PMPCB: variants seen among roughly 807,000 people sequenced by gnomAD.
PMPCB encodes the protein mitochondrial-processing peptidase subunit beta.
A neutral mutation model predicts 61.5 loss-of-function variants in PMPCB; 46 were observed. That is an observed-to-expected ratio of 0.75 (90% confidence interval 0.59 to 0.96). The LOEUF is 0.96. Among genes scored for constraint, PMPCB ranks in the 40% least tolerant of loss-of-function variants. The pLI, the probability that PMPCB is intolerant of heterozygous loss-of-function variation, is 0.00. For missense variants in PMPCB, 590 were observed against 602.4 expected, an observed-to-expected ratio of 0.98 and a Z score of 0.22; for synonymous variants, 191 against 201.6, an observed-to-expected ratio of 0.95 and a Z score of 0.44.
rs191162073 is a variant in PMPCB at position 103,304,780 on chromosome 7, G to T, written c.736+290G>T. Among the ~76,000 whole-genome samples the T allele has an allele frequency of 5.5e-4, 83 of 152,172 alleles. 2 individuals carry two copies. The South Asian group carries it at 0.016, about 30-fold the overall frequency. On this transcript the variant is annotated intron_variant, in intron 6 of 12. Coordinates refer to ENST00000249269, the MANE Select transcript of PMPCB (RefSeq NM_004279.3). Reference sequence around the variant, plus strand: ...GTTCAAGACCAGCCTGACTAATATGGTGAAACCCCATGTCTACTAAAAATA... The same window carrying T: ...GTTCAAGACCAGCCTGACTAATATGTTGAAACCCCATGTCTACTAAAAATA...
At position 103,312,733 on chromosome 7, in the gene PMPCB, A is replaced by AAGAT. The variant is rs573869210; in HGVS notation, c.*469_*472dup. The AAGAT allele has an allele frequency of 5.7e-5, 90 of 1,573,146 alleles. No individual in the cohort carries two copies. In the African/African-American group the frequency reaches 1.2e-3, roughly 21 times the overall value. ...TTTGGTGTAAAGAATTCAAGCAACT[A>AAGAT]AGATAGATAGTACTAAATATACTGA... On this transcript the variant is annotated 3_prime_UTR_variant, in exon 13 of 13. Coordinates refer to ENST00000249269, the MANE Select transcript of PMPCB (RefSeq NM_004279.3).
chr7:103,324,632 AT>A, intron 12 of PMPCB: 2 of 1,244,366 alleles, frequency 1.6e-6, no homozygotes, highest in East Asian at 5.9e-5. Context: ...AAACAATTTA[AT>A]TTATTAAAAA....
At chr7:103,316,659 A>G (rs561156029), downstream of PMPCB, 10 of 610,918 alleles carry the variant, frequency 1.6e-5, no homozygotes, top group South Asian at 1.6e-4. Context: ...TACTGATGCA[A>G]TGGGTAAGAC....
chr7:103,332,836 C>T (rs76928962), downstream of PMPCB, among the ~76,000 whole-genome samples: 1,764 of 152,234 alleles, frequency 0.012, 40 homozygotes, highest in African/African-American at 0.041. Flanking sequence ...GTTGCCCAGG[C>T]TAGTCTTGAA....
At chr7:103,325,671 A>G (rs999709841) in intron 12 of PMPCB, among the ~76,000 whole-genome samples, 4 of 152,224 alleles carry the variant, frequency 2.6e-5, no homozygotes, top group African/African-American at 4.8e-5. Flanking sequence ...GGTAATTCCA[A>G]TGTGCAGCCA....
At chr7:103,341,682 G>A in the PMPCB span, 1 of 1,167,622 alleles carries the variant, frequency 8.6e-7, no homozygotes, top group Non-Finnish European at 1.2e-6. Flanking sequence ...CTTAAAACAT[G>A]TTTATTAATG....
chr7:103,320,463 C>T (rs1408184641), intron 12 of PMPCB, among the ~76,000 whole-genome samples: 2 of 152,032 alleles, frequency 1.3e-5, no homozygotes, highest in Non-Finnish European at 2.9e-5. Flanking sequence ...ACATAATCAT[C>T]TTACCATTAT....
chr7:103,297,655 G>A lies in PMPCB; in HGVS notation c.99+97G>A, dbSNP rs1275173821. 2.6e-6 allele frequency: 4 copies of A among 1,563,904 alleles called. No individual in the cohort carries two copies. The Admixed American group carries it at 7.6e-5, about 30-fold the overall frequency. On this transcript the variant is annotated intron_variant, in intron 1 of 12. Transcript: ENST00000249269. ...CGCCACAGATCCGAACAGTGGGTCGGGCAGGGCCTCCTCGACCCGGACCCG... is the reference window on the plus strand; with the variant it reads ...CGCCACAGATCCGAACAGTGGGTCGAGCAGGGCCTCCTCGACCCGGACCCG...
chr7:103,344,262 C>CT, the PMPCB span: 1 of 442,522 alleles, frequency 2.3e-6, no homozygotes, highest in Non-Finnish European at 4.0e-6. Context: ...TTATGAGAAC[C>CT]TTTCTGGGGT....
chr7:103,314,384 A>G lies in PMPCB; in HGVS notation c.*2113A>G, dbSNP rs1173665658. 3.0e-6 allele frequency: 3 copies of G among 985,400 alleles called. No individual in the cohort carries two copies. The highest frequency in any genetic ancestry group is 9.4e-5 in the South Asian group (2 of 21,278). 61.0% of individuals were successfully genotyped at this position (985,400 alleles called of 1,614,324 possible). On this transcript the variant is annotated 3_prime_UTR_variant, in exon 13 of 13. Coordinates refer to ENST00000249269, the MANE Select transcript of PMPCB (RefSeq NM_004279.3). ...CAACTGAAGAGGAAGGAGCCTTCCC[A>G]TTTCCATAAAAGAGGCAAAGGAGTC...
At chr7:103,315,636 G>A, downstream of PMPCB, 1 of 587,896 alleles carries the variant, frequency 1.7e-6, no homozygotes, top group East Asian at 2.9e-5. Context: ...GGAAATGTTT[G>A]CTTACAGCTT....
At chr7:103,334,594 T>C in the PMPCB span, among the ~76,000 whole-genome samples, 32 of 145,362 alleles carry the variant, frequency 2.2e-4, no homozygotes, top group Admixed American at 5.5e-4. Flanking sequence ...AGAAAAGAAA[T>C]CTTGAAAAAA....
intron 12 of PMPCB, chr7:103,324,572 C>G: frequency 6.9e-7 from 1 of 1,449,426 alleles, no homozygotes; most frequent in Non-Finnish European, 9.2e-7. Flanking sequence ...TCTGAAATAT[C>G]AAAGGAAATA....
the PMPCB span, chr7:103,341,716 A>G: frequency 2.3e-5 from 33 of 1,423,524 alleles, no homozygotes; most frequent in East Asian, 4.9e-4. Flanking sequence ...AAAATTGTCT[A>G]TGTCTAACAA....
intron 1 of PMPCB, 56 bp from the exon 2 acceptor site, chr7:103,298,512 A>G (rs1333570627): frequency 1.3e-6 from 2 of 1,517,650 alleles, no homozygotes; most frequent in East Asian, 2.3e-5. Context: ...GCAACATTTA[A>G]TATCAGATTA....
chr7:103,322,411 T>C (rs1389858606), intron 12 of PMPCB: 4 of 1,208,154 alleles, frequency 3.3e-6, no homozygotes, highest in Non-Finnish European at 4.5e-6. Flanking sequence ...ATTCTCTGCT[T>C]TCGAATTATA....
chr7:103,312,862 A>G lies in PMPCB; in HGVS notation c.*591A>G. The stretch of plus-strand genomic sequence containing the variant: ...TTTTGAAATAAGCACTATATTATTA[A>G]CCACTTAATAGACATAAAATATGAG... On this transcript the variant is annotated 3_prime_UTR_variant, in exon 13 of 13. Coordinates refer to ENST00000249269, the MANE Select transcript of PMPCB (RefSeq NM_004279.3). 2.6e-6 allele frequency: 4 copies of G among 1,538,686 alleles called. No homozygotes were observed. Among genetic ancestry groups the G allele is most frequent in the African/African-American group, 1.4e-5 (1 of 72,212 alleles).
rs1302022752 is a variant in PMPCB, at chr7:103,312,854, TA to T, written c.*584del. The T allele has an allele frequency of 1.0e-5, 16 of 1,534,898 alleles. No individual in the cohort carries two copies. Among genetic ancestry groups the T allele is most frequent in the Non-Finnish European group, 1.0e-5 (12 of 1,147,724 alleles). On this transcript the variant is annotated 3_prime_UTR_variant, in exon 13 of 13. Transcript: ENST00000249269. The stretch of plus-strand genomic sequence containing the variant: ...ACTACTGGTTTTGAAATAAGCACTA[TA>T]TTATTAACCACTTAATAGACATAAA...
At chr7:103,319,711 T>C in intron 12 of PMPCB, 1 of 1,613,952 alleles carries the variant, frequency 6.2e-7, no homozygotes. Flanking sequence ...TGAAACTTTA[T>C]CCTAAGCTCA....
Sources: allele counts gnomAD v4.1 joint callset (sites outside exome capture counted in the v4.1 genomes callset), GRCh38; gene constraint gnomAD v4.1.1; transcripts MANE v1.5; gene names NCBI Gene and HGNC (gene_info 2026-07-23, HGNC 2026-07-21).